Variants in TAF2 observed in about 807,000 individuals in gnomAD.
TAF2 encodes the protein TATA-box binding protein associated factor 2, also known as transcription initiation factor TFIID subunit 2.
In TAF2, 61 loss-of-function variants were observed where a neutral mutation model predicts 138.5. That is an observed-to-expected ratio of 0.44 (90% confidence interval 0.36 to 0.54). TAF2 has a LOEUF of 0.54. Among genes scored for constraint, TAF2 ranks in the 20% least tolerant of loss-of-function variants. The pLI, the probability that TAF2 is intolerant of heterozygous loss-of-function variation, is 0.00. For synonymous variants in TAF2, 475 were observed against 469.9 expected, an observed-to-expected ratio of 1.01 and a Z score of -0.14; for missense variants, 1,090 against 1,427.9, an observed-to-expected ratio of 0.76 and a Z score of 3.81.
chr8:119,815,305 C>T (rs1825380489), intron 3 of TAF2, among the ~76,000 whole-genome samples: 1 of 150,666 alleles, frequency 6.6e-6, no homozygotes, highest in African/African-American at 2.4e-5. Flanking sequence ...GAGGGAGTCT[C>T]ACTCTGTCGC....
intron 22 of TAF2, among the ~76,000 whole-genome samples, chr8:119,747,185 T>C (rs1478261640): frequency 6.6e-6 from 1 of 152,230 alleles, no homozygotes; most frequent in Non-Finnish European, 1.5e-5. Flanking sequence ...TCTCTGTTCA[T>C]CGTGTCTGAT....
chr8:119,809,556 C>T (rs1824892727), intron 3 of TAF2, among the ~76,000 whole-genome samples: 1 of 152,146 alleles, frequency 6.6e-6, no homozygotes, highest in Non-Finnish European at 1.5e-5. Context: ...GGCCTTCCTC[C>T]CTAAGCTTAA....
rs116520033 is a variant in TAF2 at position 119,795,782 on chromosome 8, C to T, written c.1092-151G>A. 550 of 759,068 alleles carry T rather than the reference C, an allele frequency of 7.2e-4. 2 individuals are homozygous for T. The African/African-American group carries it at 7.9e-3, about 11-fold the overall frequency. The allele number at this position is 759,068 out of a possible 1,614,324, so 47.0% of individuals were successfully genotyped here. ...ACAAATTATCAGGTTTCCCAACTTC[C>T]TCTGAGTTCTACTTGCCCATTTATT... On this transcript the variant is annotated intron_variant, in intron 8 of 25. Coordinates refer to ENST00000378164, the MANE Select transcript of TAF2 (RefSeq NM_003184.4).
intron 9 of TAF2, among the ~76,000 whole-genome samples, chr8:119,794,042 C>G (rs1032328473): frequency 2.0e-5 from 3 of 151,984 alleles, no homozygotes; most frequent in Admixed American, 1.3e-4. Flanking sequence ...ATCCTCCCAC[C>G]TCAGCCCAAG....
chr8:119,744,225 A>G, intron 24 of TAF2, 63 bp downstream of exon 24: 1 of 1,374,338 alleles, frequency 7.3e-7, no homozygotes, highest in Non-Finnish European at 1.0e-6. Context: ...AGTAACACAC[A>G]TTAGAATACT....
intron 6 of TAF2, among the ~76,000 whole-genome samples, chr8:119,798,767 ATTC>A (rs2131196267): frequency 6.6e-6 from 1 of 152,326 alleles, no homozygotes; most frequent in South Asian, 2.1e-4. Context: ...CATAAAAATT[ATTC>A]TTCTAATAGC....
chr8:119,812,804 A>T (rs1220602743), intron 3 of TAF2, among the ~76,000 whole-genome samples: 1 of 52 alleles, frequency 0.019, no homozygotes, highest in African/African-American at 0.083. Flanking sequence ...ACACATGTAT[A>T]CATACACCAC....
intron 10 of TAF2, among the ~76,000 whole-genome samples, chr8:119,792,315 C>G (rs1823493582): frequency 6.6e-6 from 1 of 151,876 alleles, no homozygotes; most frequent in Admixed American, 6.6e-5. Context: ...CCACGCCTGG[C>G]TAATTTTTGT....
intron 2 of TAF2, 26 bp from the exon 3 acceptor site, chr8:119,819,532 C>T (rs1194991074): frequency 1.3e-6 from 2 of 1,565,264 alleles, no homozygotes; most frequent in Non-Finnish European, 1.7e-6. Flanking sequence ...ATAACAACTT[C>T]ATTATAAAGA....
intron 16 of TAF2, among the ~76,000 whole-genome samples, chr8:119,781,698 CTCT>C (rs1822670785): frequency 6.6e-6 from 1 of 151,504 alleles, no homozygotes; most frequent in Non-Finnish European, 1.5e-5. Flanking sequence ...ATTATTTTTC[CTCT>C]TTTTTTTTTT....
Position 119,742,516 on chromosome 8 carries a change from C to T in TAF2, c.3337+18G>A, listed in dbSNP as rs769992689. ...GTTCTTGAACAAAATAATATTAATT[C>T]TGATTAATTATTTTTACCTGTTCCC... On this transcript the variant is annotated intron_variant, in intron 25 of 25. Coordinates refer to ENST00000378164, the MANE Select transcript of TAF2 (RefSeq NM_003184.4). The T allele has an allele frequency of 6.2e-7, 1 of 1,612,016 alleles. No homozygotes were observed. The highest frequency in any genetic ancestry group is 1.7e-5 in the Admixed American group (1 of 59,924).
chr8:119,802,810 G>A (rs1434516078), intron 5 of TAF2, among the ~76,000 whole-genome samples: 1 of 152,180 alleles, frequency 6.6e-6, no homozygotes, highest in Non-Finnish European at 1.5e-5. Flanking sequence ...TACTCCAGAG[G>A]CTGAGGCAGG....
intron 22 of TAF2, among the ~76,000 whole-genome samples, chr8:119,752,558 C>T (rs1357926244): frequency 6.6e-6 from 1 of 152,138 alleles, no homozygotes; most frequent in East Asian, 1.9e-4. Flanking sequence ...AAATGAGTAC[C>T]AGTATTAACT....
chr8:119,809,998 T>TA (rs56281726), intron 3 of TAF2, among the ~76,000 whole-genome samples: 15,480 of 117,536 alleles, frequency 0.13, 1,262 homozygotes, highest in South Asian at 0.34. Flanking sequence ...CTTCAATTTG[T>TA]AAAAAAAAAA....
At chr8:119,802,269 A>AT (rs1411846582) in intron 5 of TAF2, among the ~76,000 whole-genome samples, 1 of 152,228 alleles carries the variant, frequency 6.6e-6, no homozygotes, top group Non-Finnish European at 1.5e-5. Flanking sequence ...CCCTAAAAAG[A>AT]GTTAAGCAAT....
chr8:119,798,174 A>G (rs759792786), intron 6 of TAF2, among the ~76,000 whole-genome samples: 4 of 152,206 alleles, frequency 2.6e-5, no homozygotes, highest in Non-Finnish European at 4.4e-5. Flanking sequence ...GTTTATTATA[A>G]ACATACCTCT....
chr8:119,798,655 T>G (rs894377789), intron 6 of TAF2, among the ~76,000 whole-genome samples: 5 of 152,182 alleles, frequency 3.3e-5, no homozygotes, highest in African/African-American at 1.2e-4. Flanking sequence ...AGTAAACTAT[T>G]TTGAATATAA....
intron 20 of TAF2, among the ~76,000 whole-genome samples, chr8:119,758,735 T>C (rs527469034): frequency 6.6e-6 from 1 of 152,294 alleles, no homozygotes; most frequent in East Asian, 1.9e-4. Flanking sequence ...AAAAGCTGTG[T>C]CTTCAGAATT....
chr8:119,815,417 G>A (rs915703080), intron 3 of TAF2, among the ~76,000 whole-genome samples: 3 of 151,716 alleles, frequency 2.0e-5, no homozygotes, highest in African/African-American at 7.2e-5. Flanking sequence ...TGGGACTACA[G>A]GCGCCTGCCA....
Sources: gnomAD v4.1 joint callset for allele counts (sites outside exome capture counted in the v4.1 genomes callset) on GRCh38, gnomAD v4.1.1 for gene constraint, MANE v1.5 for transcripts, NCBI Gene and HGNC (gene_info 2026-07-23, HGNC 2026-07-21) for gene names.